Variants in HEXB observed in about 807,000 individuals in gnomAD.
The protein encoded by HEXB is beta-hexosaminidase subunit beta.
In HEXB, 51 loss-of-function variants were observed where a neutral mutation model predicts 71.2. The observed-to-expected ratio is 0.72, with a 90% CI of 0.57 to 0.90. The LOEUF (loss-of-function observed/expected upper bound fraction) is 0.90, where lower values mean the gene tolerates loss of function less well. Ranked by LOEUF, HEXB falls within the 40% of genes least tolerant of loss-of-function variation. HEXB has a pLI of 0.00. For synonymous variants in HEXB, 266 were observed against 249.3 expected (o/e 1.07, Z -0.63); for missense variants, 617 against 677.0 (o/e 0.91, Z 0.98).
chr5:74,655,534 G>A (rs1019587582), intron 1 of HEXB, among the ~76,000 whole-genome samples: 1 of 151,776 alleles, frequency 6.6e-6, no homozygotes, highest in African/African-American at 2.4e-5. Flanking sequence ...CAGGATTTCA[G>A]CACGTTGGCC....
chr5:74,640,197 TC>T (rs1019487074), exon 1 of HEXB: 1 of 150,596 alleles, frequency 6.6e-6, no homozygotes, highest in African/African-American at 2.5e-5. Flanking sequence ...TAGTCGAAGC[TC>T]CCGAGTGCTC....
intron 10 of HEXB, 68 bp downstream of exon 10, chr5:74,718,431 A>G: frequency 1.7e-6 from 2 of 1,170,182 alleles, no homozygotes; most frequent in Non-Finnish European, 2.6e-6. Context: ...GGCAACTGGG[A>G]ATTTGCAAGT....
chr5:74,685,488 C>A lies in HEXB; in HGVS notation c.228C>A (p.Asn76Lys). 2.5e-6 allele frequency: 4 copies of A among 1,611,124 alleles called. No homozygotes were observed. The highest frequency in any genetic ancestry group is 3.4e-6 in the Non-Finnish European group (4 of 1,178,842). ...ACCTGCTGCATCTCGCCCCGGAGAA[C>A]TTCTACATCAGCCACAGCCCCAATT... ...TPNLLHLAPE[N>K]FYISHSPNST... Residue 76 changes from asparagine to lysine, a missense_variant, in exon 1 of 14, where the codon AAC becomes AAA. Coordinates refer to ENST00000261416, the MANE Select transcript of HEXB (RefSeq NM_000521.4).
At chr5:74,700,222 G>C (rs1353731815) in intron 5 of HEXB, among the ~76,000 whole-genome samples, 1 of 151,138 alleles carries the variant, frequency 6.6e-6, no homozygotes, top group Non-Finnish European at 1.5e-5. Flanking sequence ...TGCCCAGGCT[G>C]GTCTCAAACT....
chr5:74,683,770 C>G (rs1231980381), upstream of HEXB, among the ~76,000 whole-genome samples: 1 of 151,312 alleles, frequency 6.6e-6, no homozygotes, highest in Non-Finnish European at 1.5e-5. Flanking sequence ...AAGTGCCACA[C>G]TTTGGGGTCT....
chr5:74,661,143 G>A (rs1375564910), intron 1 of HEXB, among the ~76,000 whole-genome samples: 1 of 152,170 alleles, frequency 6.6e-6, no homozygotes, highest in African/African-American at 2.4e-5. Flanking sequence ...TGCCTCTCTG[G>A]CTTTTGGGAT....
At chr5:74,667,545 A>C (rs1242636152) in intron 1 of HEXB, among the ~76,000 whole-genome samples, 1 of 152,216 alleles carries the variant, frequency 6.6e-6, no homozygotes, top group Non-Finnish European at 1.5e-5. Context: ...TTCTAACCAC[A>C]GAATTAGTCA....
At chr5:74,672,179 C>T (rs1468616628) in intron 1 of HEXB, among the ~76,000 whole-genome samples, 1 of 152,186 alleles carries the variant, frequency 6.6e-6, no homozygotes. Flanking sequence ...CACCACATGC[C>T]CCTCATCCAT....
Position 74,713,503 on chromosome 5 carries a change from C to T in HEXB, c.772-3C>T. On this transcript the variant is annotated splice_region_variant and splice_polypyrimidine_tract_variant and intron_variant, in intron 6 of 13. Transcript: ENST00000261416. ...TTAACTTGAATAAATATGGCTTTTA[C>T]AGGGAAGCTATTCTTTGTCTCATGT... 6.2e-7 allele frequency: 1 copy of T among 1,610,080 alleles called. No individual in the cohort carries two copies. The highest frequency in any genetic ancestry group is 8.5e-7 in the Non-Finnish European group (1 of 1,176,452).
chr5:74,705,137 G>T, intron 5 of HEXB, 82 bp from the exon 6 acceptor site: 2 of 805,434 alleles, frequency 2.5e-6, no homozygotes, highest in Non-Finnish European at 4.3e-6. Context: ...AGACATATTG[G>T]AAGCAATTCC....
intron 1 of HEXB, among the ~76,000 whole-genome samples, chr5:74,670,623 C>T (rs1748516433): frequency 6.6e-6 from 1 of 152,218 alleles, no homozygotes; most frequent in Non-Finnish European, 1.5e-5. Context: ...AAGATGCTAA[C>T]AGAACTGTTA....
intron 6 of HEXB, chr5:74,705,589 A>G (rs1749368226): frequency 4.7e-6 from 2 of 424,834 alleles, no homozygotes; most frequent in Non-Finnish European, 8.6e-6. Flanking sequence ...GCCCTGAATA[A>G]TTCTCAAATT....
intron 1 of HEXB, among the ~76,000 whole-genome samples, chr5:74,657,579 C>A (rs766052480): frequency 1.3e-5 from 2 of 152,204 alleles, no homozygotes; most frequent in Non-Finnish European, 2.9e-5. Context: ...TGGGGAAGAA[C>A]TTTGTCTATT....
chr5:74,658,784 C>A (rs920321449), intron 1 of HEXB, among the ~76,000 whole-genome samples: 8 of 152,230 alleles, frequency 5.3e-5, no homozygotes, highest in Non-Finnish European at 1.2e-4. Context: ...TAATCTGTAT[C>A]CTTTTCCTGC....
At chr5:74,705,974 G>A (rs1171393964) in intron 6 of HEXB, 1 of 153,318 alleles carries the variant, frequency 6.5e-6, no homozygotes, top group African/African-American at 2.4e-5. Flanking sequence ...TCCAATGTTA[G>A]GTATGTAGGC....
rs1561229090 is a variant in HEXB at position 74,720,532 on chromosome 5, C to G, written c.1508+14C>G. On this transcript the variant is annotated intron_variant, in intron 12 of 13. Coordinates refer to ENST00000261416, the MANE Select transcript of HEXB (RefSeq NM_000521.4). The stretch of plus-strand genomic sequence containing the variant: ...TCCAAGATTATGGTATGGGATTTAC[C>G]TGATAACATTTAAGAATTAAGGTGC... 6.2e-7 allele frequency: 1 copy of G among 1,600,808 alleles called. No individual in the cohort carries two copies.
chr5:74,663,455 T>C (rs1748369765), intron 1 of HEXB, among the ~76,000 whole-genome samples: 1 of 152,116 alleles, frequency 6.6e-6, no homozygotes, highest in Admixed American at 6.5e-5. Context: ...CCTCCCAAAG[T>C]GTTGGGATTA....
At chr5:74,677,825 C>T (rs1243292114) in intron 1 of HEXB, among the ~76,000 whole-genome samples, 3 of 151,846 alleles carry the variant, frequency 2.0e-5, no homozygotes. Flanking sequence ...GCACAATGTA[C>T]CTAATGTGTA....
At chr5:74,690,246 G>A (rs1239746063) in intron 2 of HEXB, among the ~76,000 whole-genome samples, 2 of 152,102 alleles carry the variant, frequency 1.3e-5, no homozygotes, top group South Asian at 4.1e-4. Context: ...TTTCTATAGG[G>A]TATACTGCCT....
Sources: allele counts gnomAD v4.1 joint callset (sites outside exome capture counted in the v4.1 genomes callset), GRCh38; gene constraint gnomAD v4.1.1; transcripts MANE v1.5; gene names NCBI Gene and HGNC (gene_info 2026-07-23, HGNC 2026-07-21).